The following CMIP variants were observed in gnomAD, a reference collection of about 807,000 sequenced individuals.
CMIP encodes c-Maf inducing protein, also known as C-Maf-inducing protein.
Under a neutral mutation model 97.3 loss-of-function variants are expected in CMIP, and 13 were observed. The ratio of observed to expected loss-of-function variants is 0.13; its 90% CI spans 0.09 to 0.21. The LOEUF (loss-of-function observed/expected upper bound fraction) is 0.21. Ranked by LOEUF, CMIP falls within the 10% of genes least tolerant of loss-of-function variation. CMIP has a pLI of 1.00. For synonymous variants in CMIP, 538 were observed against 436.3 expected (o/e 1.23, Z -2.91); for missense variants, 847 against 1,024.9 (o/e 0.83, Z 2.37).
chr16:81,704,170 C>G, intron 18 of CMIP, 85 bp downstream of exon 18: 8 of 1,260,936 alleles, frequency 6.3e-6, no homozygotes, highest in South Asian at 1.4e-5. Flanking sequence ...TACCATCTTC[C>G]TTTCCCCTCA....
At chr16:81,693,271 G>A (rs1307749287) in intron 12 of CMIP, 87 bp downstream of exon 12, 9 of 1,425,200 alleles carry the variant, frequency 6.3e-6, no homozygotes, top group Non-Finnish European at 8.8e-6. Flanking sequence ...TGCATTCTGG[G>A]AGGCAGTGGT....
At position 81,692,784 on chromosome 16, in the gene CMIP, A is replaced by C. The variant is rs532425811; in HGVS notation, c.1455-374A>C. Among the ~76,000 whole-genome samples, 26 of 152,236 alleles carry C rather than the reference A, an allele frequency of 1.7e-4. No homozygotes were observed. In the South Asian group the frequency reaches 5.2e-3, roughly 30 times the overall value. The stretch of plus-strand genomic sequence containing the variant: ...GAAGAATGGTCCCCCATGGCCGCTG[A>C]TGTGTGCAGTAATGAGTGCCGCCCG... On this transcript the variant is annotated intron_variant, in intron 11 of 20. Transcript: ENST00000537098.
intron 1 of CMIP, among the ~76,000 whole-genome samples, chr16:81,493,073 G>A (rs1011168559): frequency 6.6e-6 from 1 of 152,180 alleles, no homozygotes; most frequent in Admixed American, 6.5e-5. Context: ...CTGGAAGCTT[G>A]ATTCGGGGGA....
chr16:81,522,324 G>T (rs989709144), intron 1 of CMIP, among the ~76,000 whole-genome samples: 3 of 152,170 alleles, frequency 2.0e-5, no homozygotes, highest in African/African-American at 7.2e-5. Flanking sequence ...CACAGCTTCA[G>T]TGCTGCTCCA....
At chr16:81,664,558 G>C (rs947132529) in intron 7 of CMIP, 6 of 581,666 alleles carry the variant, frequency 1.0e-5, no homozygotes, top group Admixed American at 3.1e-5. Flanking sequence ...TCTTTTTGCA[G>C]TTCCTAAGAA....
intron 9 of CMIP, among the ~76,000 whole-genome samples, chr16:81,678,037 A>G (rs374422505): frequency 1.3e-5 from 2 of 152,240 alleles, no homozygotes; most frequent in Non-Finnish European, 2.9e-5. Context: ...GGGTGATAGC[A>G]TGGGCTGTAG....
At chr16:81,482,716 C>T (rs1354164360) in intron 1 of CMIP, among the ~76,000 whole-genome samples, 1 of 152,210 alleles carries the variant, frequency 6.6e-6, no homozygotes, top group East Asian at 1.9e-4. Context: ...GCTGCATCTT[C>T]CCATTGCTGG....
At chr16:81,445,653 G>T (rs1191139019) in intron 1 of CMIP, 112 bp downstream of exon 1, 5 of 1,199,666 alleles carry the variant, frequency 4.2e-6, no homozygotes, top group East Asian at 2.6e-5. Flanking sequence ...GGGCGGTGGG[G>T]GGTGCCGGGG....
chr16:81,569,292 G>A (rs908095902), intron 1 of CMIP, among the ~76,000 whole-genome samples: 1 of 152,124 alleles, frequency 6.6e-6, no homozygotes, highest in Admixed American at 6.5e-5. Context: ...GTTCCACTTC[G>A]CAGAGGCAAA....
intron 2 of CMIP, among the ~76,000 whole-genome samples, chr16:81,608,375 G>A (rs1366923650): frequency 6.6e-6 from 1 of 152,146 alleles, no homozygotes; most frequent in Non-Finnish European, 1.5e-5. Context: ...TCTCCTGGCT[G>A]TGCTTCTGTG....
intron 20 of CMIP, among the ~76,000 whole-genome samples, chr16:81,708,869 C>T (rs767901755): frequency 5.3e-5 from 8 of 152,138 alleles, no homozygotes; most frequent in Non-Finnish European, 1.0e-4. Context: ...AGAGCAGCAG[C>T]GAGGAATTGC....
rs540817163 is a variant in CMIP, at chr16:81,466,811, C to G, written c.300+21270C>G. Among the ~76,000 whole-genome samples, 3 of 152,314 alleles carry G rather than the reference C, an allele frequency of 2.0e-5. No homozygotes were observed. In the South Asian group the frequency reaches 6.2e-4, roughly 32 times the overall value. On this transcript the variant is annotated intron_variant, in intron 1 of 20. Coordinates refer to ENST00000537098, the MANE Select transcript of CMIP (RefSeq NM_198390.3). ...TTCAGCCAAAGATTCTGCCTCCTCC[C>G]TGGGAACTAGGAACAAAAGGGCCTT...
At chr16:81,521,950 A>G (rs892478813) in intron 1 of CMIP, among the ~76,000 whole-genome samples, 2 of 152,214 alleles carry the variant, frequency 1.3e-5, no homozygotes, top group African/African-American at 4.8e-5. Context: ...AGGGTACAGA[A>G]TATTGTTTCC....
intron 1 of CMIP, among the ~76,000 whole-genome samples, chr16:81,575,042 G>A (rs1277844341): frequency 6.6e-6 from 1 of 152,196 alleles, no homozygotes; most frequent in African/African-American, 2.4e-5. Context: ...GGTGTGCCCT[G>A]CTGCTTCCTG....
chr16:81,654,149 G>A (rs1388143288), intron 4 of CMIP, among the ~76,000 whole-genome samples: 1 of 152,176 alleles, frequency 6.6e-6, no homozygotes, highest in African/African-American at 2.4e-5. Flanking sequence ...CCCATTGCCG[G>A]CCTCGGGCAA....
chr16:81,536,805 A>G (rs973485646), intron 1 of CMIP, among the ~76,000 whole-genome samples: 5 of 151,904 alleles, frequency 3.3e-5, no homozygotes, highest in African/African-American at 1.2e-4. Flanking sequence ...CGTCACATAC[A>G]TCCGGAAGCA....
At chr16:81,497,137 C>G (rs1415697140) in intron 1 of CMIP, among the ~76,000 whole-genome samples, 2 of 152,200 alleles carry the variant, frequency 1.3e-5, no homozygotes, top group East Asian at 1.9e-4. Context: ...AACAGTCCAC[C>G]CTCCTCCAAC....
intron 3 of CMIP, among the ~76,000 whole-genome samples, chr16:81,626,635 TTA>T (rs2092070494): frequency 7.3e-6 from 1 of 136,782 alleles, no homozygotes; most frequent in East Asian, 2.3e-4. Context: ...TGTGGGTGGC[TTA>T]TGAGTGTGTG....
intron 1 of CMIP, among the ~76,000 whole-genome samples, chr16:81,558,890 C>G (rs182840906): frequency 6.6e-6 from 1 of 152,352 alleles, no homozygotes; most frequent in African/African-American, 2.4e-5. Flanking sequence ...CGTCACCTCC[C>G]CAACCCCGCC....
Sources: gnomAD v4.1 joint callset for allele counts (sites outside exome capture counted in the v4.1 genomes callset) on GRCh38, gnomAD v4.1.1 for gene constraint, MANE v1.5 for transcripts, NCBI Gene and HGNC (gene_info 2026-07-23, HGNC 2026-07-21) for gene names.